The following AARS2 variants were observed in gnomAD, a reference collection of about 807,000 sequenced individuals.
AARS2 encodes the protein alanine--tRNA ligase, mitochondrial.
Under a neutral mutation model 119.7 loss-of-function variants are expected in AARS2, and 78 were observed. That is an observed-to-expected ratio of 0.65 (90% CI 0.54 to 0.79). The LOEUF is 0.79. AARS2 is among the 30% of genes least tolerant of loss of function. The pLI, the probability that AARS2 is intolerant of heterozygous loss-of-function variation, is 0.00. For missense variants in AARS2, 1,157 were observed against 1,291.3 expected (o/e 0.90, Z 1.59); for synonymous variants, 502 against 526.3 (o/e 0.95, Z 0.63).
At position 44,307,108 on chromosome 6, in the gene AARS2, C is replaced by T; in HGVS notation, c.1041-77G>A. The T allele has an allele frequency of 1.3e-6, 2 of 1,590,656 alleles. No homozygotes were observed. The highest frequency in any genetic ancestry group is 1.7e-6 in the Non-Finnish European group (2 of 1,162,800). On this transcript the variant is annotated intron_variant, in intron 6 of 21. Transcript: ENST00000244571. This position sits in a 1 kb window ranked among gnomAD's most constrained non-coding sequence, Gnocchi z 4.4. The stretch of plus-strand genomic sequence containing the variant: ...ATATGGGGAGTGGGAAGGACGAGGT[C>T]CAGTGTGTGCTCCCACCTCAAAGCT...
In AARS2 at chr6:44,305,535, G is replaced by T; in HGVS notation, c.1434+118C>A. 3.3e-6 allele frequency: 5 copies of T among 1,512,974 alleles called. No individual in the cohort carries two copies. Among genetic ancestry groups the T allele is most frequent in the Non-Finnish European group, 4.6e-6 (5 of 1,097,968 alleles). 93.7% of individuals were successfully genotyped at this position (1,512,974 alleles called of 1,614,324 possible). The stretch of plus-strand genomic sequence containing the variant: ...GTTTTAGAAACCTCCCAGGTGAGGG[G>T]ACAGATCCTATCTCAGCCTCTTGAT... On this transcript the variant is annotated intron_variant, in intron 10 of 21. Transcript: ENST00000244571. This position sits in a 1 kb window ranked among gnomAD's most constrained non-coding sequence, Gnocchi z 4.6.
intron 19 of AARS2, 52 bp downstream of exon 19, chr6:44,302,008 G>T: frequency 1.3e-6 from 2 of 1,577,910 alleles, no homozygotes; most frequent in East Asian, 2.3e-5. Context: ...ACTTCTCAGT[G>T]TATCTGCTGG....
chr6:44,305,189 G>C lies in AARS2; in HGVS notation c.1444C>G (p.Arg482Gly). The C allele has an allele frequency of 6.2e-7, 1 of 1,612,154 alleles. No homozygotes were observed. The highest frequency in any genetic ancestry group is 8.5e-7 in the Non-Finnish European group (1 of 1,180,026). ...TGCTTCTGAACTGGCTCAGCCTGCCGTGCCCGGTGCTGCAGGGTGGGCATG... is the reference window on the plus strand; with the variant it reads ...TGCTTCTGAACTGGCTCAGCCTGCCCTGCCCGGTGCTGCAGGGTGGGCATG... Reference protein sequence around the residue: ...LAQEEAQHRARQAEPVQKQGL... With the variant: ...LAQEEAQHRAGQAEPVQKQGL... Residue 482 changes from arginine to glycine, a missense_variant, in exon 11 of 22, where the codon CGG (arginine) becomes GGG (glycine). Coordinates refer to ENST00000244571, the MANE Select transcript of AARS2 (RefSeq NM_020745.4). This position sits in a 1 kb window ranked among gnomAD's most constrained non-coding sequence, Gnocchi z 4.6.
intron 5 of AARS2, among the ~76,000 whole-genome samples, chr6:44,308,155 C>A (rs1786024136): frequency 6.6e-6 from 1 of 152,188 alleles, no homozygotes; most frequent in African/African-American, 2.4e-5. Context: ...CTTGCCTGGA[C>A]CGATAATAGC....
intron 2 of AARS2, 127 bp from the exon 3 acceptor site, chr6:44,311,662 C>T: frequency 1.7e-6 from 2 of 1,167,564 alleles, no homozygotes; most frequent in Non-Finnish European, 2.5e-6. Context: ...CATCTTGTTC[C>T]CAGAATAAGC....
In AARS2 at chr6:44,299,598, A is replaced by G. The variant is rs1183676089; in HGVS notation, c.*949T>C. 6.6e-6 allele frequency: 1 copy of G among 152,012 alleles called. No individual in the cohort carries two copies. The highest frequency in any genetic ancestry group is 6.5e-5 in the Admixed American group (1 of 15,268). The allele number at this position is 152,012 out of a possible 1,614,324, so 9.4% of individuals were successfully genotyped here. A position where few individuals can be genotyped will look rare whatever the true frequency, so the allele number is the denominator to read the frequency against. On this transcript the variant is annotated 3_prime_UTR_variant, in exon 22 of 22. Coordinates refer to ENST00000244571, the MANE Select transcript of AARS2 (RefSeq NM_020745.4). ...TTGCTTTATTTCCTGTTTCCTCCACATGAAGCAGGCTCCATGAAGGAAGGA... is the reference window on the plus strand; with the variant it reads ...TTGCTTTATTTCCTGTTTCCTCCACGTGAAGCAGGCTCCATGAAGGAAGGA...
In AARS2 at chr6:44,307,887, A is replaced by C. The variant is rs1583057352; in HGVS notation, c.895-493T>G. Among the ~76,000 whole-genome samples, 1 of 152,164 alleles carries C rather than the reference A, an allele frequency of 6.6e-6. No individual in the cohort carries two copies. The highest frequency in any genetic ancestry group is 1.5e-5 in the Non-Finnish European group (1 of 68,026). On this transcript the variant is annotated intron_variant, in intron 5 of 21. Coordinates refer to ENST00000244571, the MANE Select transcript of AARS2 (RefSeq NM_020745.4). This position sits in a 1 kb window ranked among gnomAD's most constrained non-coding sequence, Gnocchi z 4.4. ...GGCAGGGAGGGAGAGTGTAAGCTACATACACGGAAATGCTCCAAAGCAGGG... is the reference window on the plus strand; with the variant it reads ...GGCAGGGAGGGAGAGTGTAAGCTACCTACACGGAAATGCTCCAAAGCAGGG...
In AARS2 at chr6:44,308,332, G is replaced by C. The variant is rs933216424; in HGVS notation, c.895-938C>G. ...GCGGGTGGATCACCTGAGGTCAGGA[G>C]TTTGAGACCAGCCTGGCCAATCCTG... On this transcript the variant is annotated intron_variant, in intron 5 of 21. Transcript: ENST00000244571. Among the ~76,000 whole-genome samples, 23 of 152,152 alleles carry C rather than the reference G, an allele frequency of 1.5e-4. 2 individuals carry two copies. The highest frequency in any genetic ancestry group is 7.2e-4 in the Admixed American group (11 of 15,284).
In AARS2 at chr6:44,312,964, C is replaced by T. The variant is rs1786497858; in HGVS notation, c.243+117G>A. The T allele has an allele frequency of 4.0e-6, 6 of 1,489,716 alleles. No homozygotes were observed. The South Asian group carries it at 7.2e-5, about 18-fold the overall frequency. The allele number at this position is 1,489,716 out of a possible 1,614,324, so 92.3% of individuals were successfully genotyped here. A position where few individuals can be genotyped will look rare whatever the true frequency, so the allele number is the denominator to read the frequency against. ...ATCACTTTACCCAACCAAGCACCGCCCTCTTTCCCCAAAAGCTACGAACTC... is the reference window on the plus strand; with the variant it reads ...ATCACTTTACCCAACCAAGCACCGCTCTCTTTCCCCAAAAGCTACGAACTC... On this transcript the variant is annotated intron_variant, in intron 1 of 21. Coordinates refer to ENST00000244571, the MANE Select transcript of AARS2 (RefSeq NM_020745.4).
rs758716506 is a variant in AARS2 at position 44,304,397 on chromosome 6, G to T, written c.1866+23C>A. On this transcript the variant is annotated intron_variant, in intron 13 of 21. Transcript: ENST00000244571. The stretch of plus-strand genomic sequence containing the variant: ...GAGTGAAGGGGCTGCAGGGTATTGG[G>T]AACAGTTAGGGAGGATCCTTACCTC... 3.7e-6 allele frequency: 6 copies of T among 1,614,032 alleles called. No homozygotes were observed. The East Asian group carries it at 1.3e-4, about 36-fold the overall frequency.
In AARS2 at chr6:44,300,727, G is replaced by C; in HGVS notation, c.2794-16C>G. ...GCATGGCACCCTAGGAACAGAATCA[G>C]AAGAGGAAGCGATGCAGAGTGGCCC... On this transcript the variant is annotated splice_polypyrimidine_tract_variant and intron_variant, in intron 21 of 21. Coordinates refer to ENST00000244571, the MANE Select transcript of AARS2 (RefSeq NM_020745.4). 6.2e-7 allele frequency: 1 copy of C among 1,610,756 alleles called. No individual in the cohort carries two copies. Among genetic ancestry groups the C allele is most frequent in the East Asian group, 2.2e-5 (1 of 44,876 alleles).
chr6:44,307,508 C>A lies in AARS2; in HGVS notation c.895-114G>T. On this transcript the variant is annotated intron_variant, in intron 5 of 21. Coordinates refer to ENST00000244571, the MANE Select transcript of AARS2 (RefSeq NM_020745.4). This position sits in a 1 kb window ranked among gnomAD's most constrained non-coding sequence, Gnocchi z 4.4. ...CTAAAGCCAACCACATCCAGAATGG[C>A]CTTGCCAGTCCAGTCCTGGGCTGAG... 7.3e-7 allele frequency: 1 copy of A among 1,370,568 alleles called. No homozygotes were observed. Among genetic ancestry groups the A allele is most frequent in the Non-Finnish European group, 1.0e-6 (1 of 1,001,378 alleles). 84.9% of individuals were successfully genotyped at this position (1,370,568 alleles called of 1,614,324 possible).
Position 44,311,060 on chromosome 6 carries a change from A to G in AARS2, c.683T>C (p.Leu228Pro). ...CGPCTEIHYD[L>P]AGGVGAPQLV... ...CTGGGGGGCTCCCACCCCACCAGCA[A>G]GGTCGTAGTGGATCTCAGTACAGGG... is the stretch of plus-strand genomic sequence containing the variant. Residue 228 changes from leucine to proline, a missense_variant, in exon 4 of 22, where the codon CTT (leucine) becomes CCT (proline). Transcript: ENST00000244571. 6.2e-7 allele frequency: 1 copy of G among 1,614,070 alleles called. No homozygotes were observed. Among genetic ancestry groups the G allele is most frequent in the Non-Finnish European group, 8.5e-7 (1 of 1,180,026 alleles).
chr6:44,304,446 C>T lies in AARS2; in HGVS notation c.1840G>A (p.Asp614Asn). The part of the protein sequence containing the change: ...AVAPECLRLG[D>N]QVQLHVDEAW... ...TCATCCACATGCAGCTGCACCTGGTCCCCTAACCGCAGGCACTCAGGGGCT... is the reference window on the plus strand; with the variant it reads ...TCATCCACATGCAGCTGCACCTGGTTCCCTAACCGCAGGCACTCAGGGGCT... The change falls in exon 13 of 22, where the codon GAC becomes AAC. Residue 614 changes from aspartate to asparagine, a missense_variant. By Grantham distance (23) the Asp-to-Asn change is conservative. Transcript: ENST00000244571. 6.2e-7 allele frequency: 1 copy of T among 1,614,164 alleles called. No homozygotes were observed. The highest frequency in any genetic ancestry group is 2.2e-5 in the East Asian group (1 of 44,888).
chr6:44,307,220 T>C lies in AARS2; in HGVS notation c.1040+29A>G. 1 of 1,613,418 alleles carries C rather than the reference T, an allele frequency of 6.2e-7. No individual in the cohort carries two copies. The highest frequency in any genetic ancestry group is 1.3e-5 in the African/African-American group (1 of 74,988). On this transcript the variant is annotated intron_variant, in intron 6 of 21. Coordinates refer to ENST00000244571, the MANE Select transcript of AARS2 (RefSeq NM_020745.4). This position sits in a 1 kb window ranked among gnomAD's most constrained non-coding sequence, Gnocchi z 4.4. ...TCCACCTGAGACCCCCAGCAGCCCCTGTCCTCTCTGTAGCCCTTCCAGACT... is the reference window on the plus strand; with the variant it reads ...TCCACCTGAGACCCCCAGCAGCCCCCGTCCTCTCTGTAGCCCTTCCAGACT...
chr6:44,313,328 G>GCTC lies in AARS2; in HGVS notation c.-8_-6dup. On this transcript the variant is annotated 5_prime_UTR_variant, in exon 1 of 22. Transcript: ENST00000244571. ...AGCTGCCACTGACGCTGCCATCGTA[G>GCTC]CTCCGGGCAGTGACTTTACGTGGTC... 1 of 1,600,328 alleles carries GCTC rather than the reference G, an allele frequency of 6.2e-7. No individual in the cohort carries two copies. Among genetic ancestry groups the GCTC allele is most frequent in the South Asian group, 1.1e-5 (1 of 90,684 alleles).
rs587777590 is a variant in AARS2 at position 44,313,175 on chromosome 6, A to C, written c.149T>G (p.Phe50Cys). The change falls in exon 1 of 22, where the codon TTT becomes TGT. Residue 50 changes from phenylalanine (F) to cysteine (C), a missense_variant. Transcript: ENST00000244571. Reference protein sequence around the residue: ...SAVRAAFLNFFRDRHGHRLVP... With the variant: ...SAVRAAFLNFCRDRHGHRLVP... ...CAGCCGGTGGCCATGGCGGTCCCGA[A>C]AGAAGTTCAGAAAGGCGGCCCTCAC... 1.2e-6 allele frequency: 2 copies of C among 1,613,004 alleles called. No individual in the cohort carries two copies. Among genetic ancestry groups the C allele is most frequent in the Non-Finnish European group, 1.7e-6 (2 of 1,179,726 alleles).
Position 44,304,634 on chromosome 6 carries a change from T to C in AARS2, c.1752+11A>G. On this transcript the variant is annotated intron_variant, in intron 12 of 21. Coordinates refer to ENST00000244571, the MANE Select transcript of AARS2 (RefSeq NM_020745.4). ...CCACAGAAATCAGCCTGGGTTGTGA[T>C]GGAGACTCACCTCTTGCCCTGCCCG... 3 of 1,614,176 alleles carry C rather than the reference T, an allele frequency of 1.9e-6. No individual in the cohort carries two copies. The highest frequency in any genetic ancestry group is 1.1e-5 in the South Asian group (1 of 91,084).
At position 44,300,686 on chromosome 6, in the gene AARS2, TCTG is replaced by T; in HGVS notation, c.2816_2818del (p.Ala939del). 6.2e-7 allele frequency: 1 copy of T among 1,613,422 alleles called. No individual in the cohort carries two copies. Among genetic ancestry groups the T allele is most frequent in the Non-Finnish European group, 8.5e-7 (1 of 1,180,026 alleles). On this transcript the variant is annotated inframe_deletion, in exon 22 of 22. Transcript: ENST00000244571. The stretch of plus-strand genomic sequence containing the variant: ...GCTGCACACTGCCAGTGCCCAGGCC[TCTG>T]CTGTGAAGGTGGGCATGGCACCCTA...
Sources: allele counts gnomAD v4.1 joint callset (sites outside exome capture counted in the v4.1 genomes callset), GRCh38; gene constraint gnomAD v4.1.1; non-coding constraint Gnocchi (gnomAD v3.1); transcripts MANE v1.5; gene names NCBI Gene and HGNC (gene_info 2026-07-23, HGNC 2026-07-21).